NT5C3A: variants seen among roughly 807,000 people sequenced by gnomAD.
NT5C3A encodes the protein cytosolic 5'-nucleotidase 3A.
NT5C3A carries 23 observed loss-of-function variants against 40.0 expected under a neutral mutation model. The observed-to-expected ratio is 0.58, with a 90% CI of 0.41 to 0.81. The LOEUF (loss-of-function observed/expected upper bound fraction) is 0.81. Among genes scored for constraint, NT5C3A ranks in the 40% least tolerant of loss-of-function variants. The probability of loss-of-function intolerance (pLI) is 0.00; values close to 1 mark genes in which losing one functional copy is unlikely to be tolerated. For missense variants in NT5C3A, 328 were observed against 403.0 expected (o/e 0.81, Z 1.59); for synonymous variants, 130 against 141.4 (o/e 0.92, Z 0.57).
At chr7:33,041,434 T>C (rs1200382616) in intron 1 of NT5C3A, among the ~76,000 whole-genome samples, 1 of 151,738 alleles carries the variant, frequency 6.6e-6, no homozygotes, top group African/African-American at 2.4e-5. Flanking sequence ...TGCCACCAAA[T>C]GAAATGCTTA....
chr7:33,022,989 C>T (rs1201003958), intron 3 of NT5C3A, among the ~76,000 whole-genome samples: 1 of 150,736 alleles, frequency 6.6e-6, no homozygotes, highest in African/African-American at 2.4e-5. Flanking sequence ...GCGATTATGG[C>T]TCACTATAGA....
intron 2 of NT5C3A, 28 bp downstream of exon 2, chr7:33,026,788 AC>A (rs1478501351): frequency 6.7e-7 from 1 of 1,488,640 alleles, no homozygotes; most frequent in African/African-American, 1.4e-5. Context: ...GCCAACACAC[AC>A]AGCCAAGGCT....
chr7:33,028,463 T>A lies in NT5C3A; in HGVS notation c.139-1548A>T, dbSNP rs377421492. Among the ~76,000 whole-genome samples, 3 of 152,246 alleles carry A rather than the reference T, an allele frequency of 2.0e-5. No individual in the cohort carries two copies. In the East Asian group the frequency reaches 5.8e-4, roughly 29 times the overall value. On this transcript the variant is annotated intron_variant, in intron 1 of 8. Transcript: ENST00000610140. ...AAGGAGAAAATTATGCCTCATTTTA[T>A]AGTCAGTTATACAGCATAGGCAATA...
At chr7:33,044,934 T>G (rs1193670849) in intron 1 of NT5C3A, among the ~76,000 whole-genome samples, 1 of 152,216 alleles carries the variant, frequency 6.6e-6, no homozygotes, top group Admixed American at 6.5e-5. Flanking sequence ...AATTAAAAGT[T>G]GCATGTAAAA....
chr7:33,054,326 C>T (rs1787485515), intron 1 of NT5C3A, among the ~76,000 whole-genome samples: 1 of 150,596 alleles, frequency 6.6e-6, no homozygotes, highest in East Asian at 1.9e-4. Context: ...TGCACTCCAG[C>T]CTGGGTGGCA....
intron 1 of NT5C3A, among the ~76,000 whole-genome samples, chr7:33,031,080 A>G (rs1468509182): frequency 2.0e-5 from 3 of 147,680 alleles, no homozygotes; most frequent in South Asian, 4.3e-4. Flanking sequence ...AGCCTGGGCG[A>G]CAGCGAGACT....
At chr7:33,031,342 C>T (rs987606179) in intron 1 of NT5C3A, among the ~76,000 whole-genome samples, 1 of 151,328 alleles carries the variant, frequency 6.6e-6, no homozygotes, top group Non-Finnish European at 1.5e-5. Flanking sequence ...AATCCCAGCA[C>T]TTTAGGAGGC....
rs1554291569 is a variant in NT5C3A, at chr7:33,033,895, AT to A, written c.139-6981del. Among the ~76,000 whole-genome samples the A allele has an allele frequency of 5.4e-3, 744 of 137,146 alleles. 7 individuals carry two copies. Among genetic ancestry groups the A allele is most frequent in the African/African-American group, 0.015 (533 of 35,856 alleles). 90.0% of individuals were successfully genotyped at this position (137,146 alleles called of 152,430 possible). On this transcript the variant is annotated intron_variant, in intron 1 of 8. Transcript: ENST00000610140. ...TAAAAGACATATATATATATATATAATTTTTTTTTTTTTTGAGAGGGAGTCT... is the reference window on the plus strand; with the variant it reads ...TAAAAGACATATATATATATATATAATTTTTTTTTTTTTGAGAGGGAGTCT...
At chr7:33,047,045 G>A (rs889149332) in intron 1 of NT5C3A, among the ~76,000 whole-genome samples, 2 of 150,642 alleles carry the variant, frequency 1.3e-5, no homozygotes, top group East Asian at 1.9e-4. Context: ...ATGCTCAAGC[G>A]ATCCTCTCAC....
intron 2 of NT5C3A, 142 bp downstream of exon 2, chr7:33,026,675 A>C (rs62465465): frequency 3.4e-6 from 2 of 592,418 alleles, no homozygotes; most frequent in Non-Finnish European, 6.0e-6. Flanking sequence ...TTTTTTTTAA[A>C]TAGAGATGGG....
chr7:33,041,868 T>A (rs550563787), intron 1 of NT5C3A, among the ~76,000 whole-genome samples: 2 of 152,316 alleles, frequency 1.3e-5, no homozygotes, highest in East Asian at 3.9e-4. Flanking sequence ...CCTTTATCAT[T>A]AGGGAACATG....
chr7:33,028,025 T>C (rs1358000001), intron 1 of NT5C3A, among the ~76,000 whole-genome samples: 2 of 152,256 alleles, frequency 1.3e-5, no homozygotes, highest in African/African-American at 4.8e-5. Context: ...AAAATACATT[T>C]AAAATATTTT....
chr7:33,047,376 C>T (rs1410606789), intron 1 of NT5C3A, among the ~76,000 whole-genome samples: 2 of 152,166 alleles, frequency 1.3e-5, no homozygotes, highest in East Asian at 1.9e-4. Flanking sequence ...TAAGTAAATA[C>T]TAAGGCAAGA....
chr7:33,058,627 A>C (rs1456660817), intron 1 of NT5C3A, among the ~76,000 whole-genome samples: 2 of 152,254 alleles, frequency 1.3e-5, no homozygotes, highest in Non-Finnish European at 2.9e-5. Flanking sequence ...CTGGGATTAC[A>C]GGCGGGAGCC....
At chr7:33,047,190 AC>A (rs1165384445) in intron 1 of NT5C3A, among the ~76,000 whole-genome samples, 2 of 152,214 alleles carry the variant, frequency 1.3e-5, no homozygotes, top group Non-Finnish European at 2.9e-5. Flanking sequence ...TTAAAAAGAA[AC>A]AAACAATATT....
In NT5C3A at chr7:33,052,265, C is replaced by A. The variant is rs576261859; in HGVS notation, c.138+10303G>T. ...TTGGGAGGCTGAGGCAGGTGGATCA[C>A]CTGAGGTCAGGAGTTCGAGACCAGC... On this transcript the variant is annotated intron_variant, in intron 1 of 8. Coordinates refer to ENST00000610140, the MANE Select transcript of NT5C3A (RefSeq NM_001002010.5). Among the ~76,000 whole-genome samples, 26 of 152,154 alleles carry A rather than the reference C, an allele frequency of 1.7e-4. 1 individual carries two copies. In the South Asian group the frequency reaches 5.2e-3, roughly 30 times the overall value.
At chr7:33,058,911 T>C (rs749807933) in intron 1 of NT5C3A, among the ~76,000 whole-genome samples, 3 of 152,210 alleles carry the variant, frequency 2.0e-5, no homozygotes, top group Non-Finnish European at 4.4e-5. Context: ...CATCATTGTT[T>C]TACCAACGGC....
chr7:33,036,018 A>G (rs754905956), intron 1 of NT5C3A: 5 of 1,582,162 alleles, frequency 3.2e-6, no homozygotes, highest in African/African-American at 2.7e-5. Flanking sequence ...GTCACAGCAA[A>G]AGAGAAAAAA....
At chr7:33,052,973 T>C (rs1258740287) in intron 1 of NT5C3A, among the ~76,000 whole-genome samples, 1 of 152,176 alleles carries the variant, frequency 6.6e-6, no homozygotes, top group Non-Finnish European at 1.5e-5. Flanking sequence ...GATCCTGTAT[T>C]TCAAAATAAG....
Sources: allele counts gnomAD v4.1 joint callset (sites outside exome capture counted in the v4.1 genomes callset), GRCh38; gene constraint gnomAD v4.1.1; transcripts MANE v1.5; gene names NCBI Gene and HGNC (gene_info 2026-07-23, HGNC 2026-07-21).